The following PKD1L1 variants were observed in gnomAD, a reference collection of about 807,000 sequenced individuals.
PKD1L1 encodes polycystin-1-like protein 1.
Under a neutral mutation model 323.4 loss-of-function variants are expected in PKD1L1, and 236 were observed. The observed-to-expected ratio is 0.73, with a 90% confidence interval of 0.66 to 0.81. The LOEUF (loss-of-function observed/expected upper bound fraction) is 0.81. PKD1L1 is among the 40% of genes least tolerant of loss of function. The pLI is 0.00. For missense variants in PKD1L1, 3,320 were observed against 3,508.0 expected (o/e 0.95, Z 1.35); for synonymous variants, 1,344 against 1,335.0 (o/e 1.01, Z -0.15).
intron 7 of PKD1L1, among the ~76,000 whole-genome samples, chr7:47,921,031 G>A: frequency 6.6e-6 from 1 of 151,720 alleles, no homozygotes. Flanking sequence ...TAACAACAAA[G>A]ATAAATAGTT....
chr7:47,880,891 C>T (rs1786538715), intron 20 of PKD1L1, 86 bp from the exon 21 acceptor site: 2 of 1,043,196 alleles, frequency 1.9e-6, no homozygotes, highest in Non-Finnish European at 2.8e-6. Context: ...ATGAGTTCCA[C>T]TCTTCCCCCA....
intron 28 of PKD1L1, among the ~76,000 whole-genome samples, chr7:47,856,174 A>G (rs1182377958): frequency 2.0e-5 from 3 of 151,908 alleles, no homozygotes; most frequent in Non-Finnish European, 4.4e-5. Context: ...AGTAGCTGGG[A>G]CTACAGGCAC....
At chr7:47,832,281 T>G (rs1785362646) in intron 41 of PKD1L1, among the ~76,000 whole-genome samples, 1 of 152,164 alleles carries the variant, frequency 6.6e-6, no homozygotes, top group Non-Finnish European at 1.5e-5. Context: ...AGTGCTCCCT[T>G]CCAGCCCAGG....
chr7:47,864,881 C>T (rs1189762338), intron 26 of PKD1L1, among the ~76,000 whole-genome samples: 1 of 151,930 alleles, frequency 6.6e-6, no homozygotes, highest in Non-Finnish European at 1.5e-5. Flanking sequence ...GTGCGCGCCA[C>T]CATGCCCGGC....
At chr7:47,822,523 A>G (rs1562947028) in intron 45 of PKD1L1, among the ~76,000 whole-genome samples, 2 of 124,880 alleles carry the variant, frequency 1.6e-5, no homozygotes, top group African/African-American at 5.9e-5. Flanking sequence ...CAAACTCGGG[A>G]GGCGGAGGTT....
chr7:47,940,055 G>T, intron 3 of PKD1L1, 138 bp downstream of exon 3: 1 of 1,161,744 alleles, frequency 8.6e-7, no homozygotes, highest in Non-Finnish European at 1.2e-6. Context: ...AGTCACACTT[G>T]CTTCATTGGC....
intron 56 of PKD1L1, among the ~76,000 whole-genome samples, chr7:47,784,013 G>C (rs568237275): frequency 2.6e-5 from 4 of 152,200 alleles, no homozygotes; most frequent in African/African-American, 9.6e-5. Flanking sequence ...TGTGTTCACA[G>C]TCATACAGAA....
intron 7 of PKD1L1, among the ~76,000 whole-genome samples, chr7:47,922,713 G>A (rs1311128835): frequency 1.1e-4 from 16 of 150,926 alleles, no homozygotes; most frequent in South Asian, 2.1e-4. Flanking sequence ...GTCTCCGCCC[G>A]GCAGCCGCCC....
chr7:47,958,083 AG>A, the PKD1L1 span, among the ~76,000 whole-genome samples: 26 of 152,236 alleles, frequency 1.7e-4, no homozygotes, highest in Admixed American at 1.4e-3. Context: ...CTTCACAGAT[AG>A]AAAAAAAAAT....
intron 31 of PKD1L1, among the ~76,000 whole-genome samples, chr7:47,852,357 T>C (rs1374312732): frequency 1.3e-5 from 2 of 152,190 alleles, no homozygotes; most frequent in South Asian, 2.1e-4. Flanking sequence ...CATTGAGAAT[T>C]TGAATTTGAT....
At chr7:47,807,377 G>T (rs1784802528) in intron 52 of PKD1L1, among the ~76,000 whole-genome samples, 1 of 152,090 alleles carries the variant, frequency 6.6e-6, no homozygotes, top group Admixed American at 6.6e-5. Flanking sequence ...GAGCCAAGGG[G>T]TGAGAGGGAG....
intron 26 of PKD1L1, among the ~76,000 whole-genome samples, chr7:47,859,947 T>G (rs1257363158): frequency 6.6e-6 from 1 of 152,142 alleles, no homozygotes; most frequent in Non-Finnish European, 1.5e-5. Flanking sequence ...GAACTGTTAA[T>G]GTAGTCCCCT....
chr7:47,829,316 C>T (rs1785295504), intron 44 of PKD1L1, 109 bp downstream of exon 44: 6 of 1,133,758 alleles, frequency 5.3e-6, no homozygotes, highest in Non-Finnish European at 4.9e-6. Context: ...CCATGGGTCT[C>T]CAAAGATGCA....
chr7:47,901,082 A>G (rs879732374), intron 13 of PKD1L1, among the ~76,000 whole-genome samples: 2 of 152,138 alleles, frequency 1.3e-5, no homozygotes, highest in Admixed American at 6.5e-5. Context: ...CTTCAGGTCC[A>G]TAATCCCAGA....
Position 47,839,506 on chromosome 7 carries a change from C to T in PKD1L1, c.5709G>A (p.Arg1903=). The change falls in exon 36 of 57, where the codon AGG becomes AGA. Residue 1903 remains arginine, a synonymous_variant. Coordinates refer to ENST00000289672, the MANE Select transcript of PKD1L1 (RefSeq NM_138295.5). The surrounding 1 kb of genome is among the most constrained non-coding windows in gnomAD (Gnocchi z 4.3). ...GCTCCCGCTCCACGCGACCATCATG[C>T]CTGCCGGCAGACAGCCAGCACTGGG... ...FPAQCWLSAG[R]HDGRVERELT... is the part of the protein sequence containing the mutation. The T allele has an allele frequency of 6.2e-7, 1 of 1,612,516 alleles. No homozygotes were observed. The highest frequency in any genetic ancestry group is 8.5e-7 in the Non-Finnish European group (1 of 1,179,740).
At chr7:47,826,782 A>G (rs1393467520) in intron 45 of PKD1L1, among the ~76,000 whole-genome samples, 1 of 152,220 alleles carries the variant, frequency 6.6e-6, no homozygotes, top group Non-Finnish European at 1.5e-5. Flanking sequence ...GCTTTGCCAC[A>G]GCATGATAGT....
At chr7:47,824,559 C>A (rs1054851765) in intron 45 of PKD1L1, among the ~76,000 whole-genome samples, 1 of 152,160 alleles carries the variant, frequency 6.6e-6, no homozygotes, top group African/African-American at 2.4e-5. Context: ...AACCTTAACA[C>A]AGATTTAAAA....
chr7:47,881,910 T>A lies in PKD1L1; in HGVS notation c.3441A>T (p.Ser1147=). ...AGGGTACAAAGAGGACATTCATACCTGAGGATGAATAGCCTTGGAAAACTG... is the reference window on the plus strand; with the variant it reads ...AGGGTACAAAGAGGACATTCATACCAGAGGATGAATAGCCTTGGAAAACTG... ...GRAVFQGYSS[S]GITEQTVTIK... is the part of the protein sequence containing the mutation. The change falls in exon 20 of 57, where the codon TCA becomes TCT. Residue 1147 remains serine, a splice_region_variant and synonymous_variant. Coordinates refer to ENST00000289672, the MANE Select transcript of PKD1L1 (RefSeq NM_138295.5). 6.3e-7 allele frequency: 1 copy of A among 1,591,920 alleles called. No individual in the cohort carries two copies. The highest frequency in any genetic ancestry group is 8.5e-7 in the Non-Finnish European group (1 of 1,172,080).
chr7:47,957,750 C>A, the PKD1L1 span, among the ~76,000 whole-genome samples: 1 of 151,652 alleles, frequency 6.6e-6, no homozygotes, highest in Non-Finnish European at 1.5e-5. Flanking sequence ...CCTGCCTTGG[C>A]CTCCCAAAGT....
Sources: gnomAD v4.1 joint callset for allele counts (sites outside exome capture counted in the v4.1 genomes callset) on GRCh38, gnomAD v4.1.1 for gene constraint, Gnocchi (gnomAD v3.1) non-coding constraint, MANE v1.5 for transcripts, NCBI Gene and HGNC (gene_info 2026-07-23, HGNC 2026-07-21) for gene names.